SLC35H1: variants seen among roughly 807,000 people sequenced by gnomAD.
The protein encoded by SLC35H1 is ovarian cancer-overexpressed gene 1 protein.
At chr20:46,347,621 T>C in the SLC35H1 span, 1 of 152,256 alleles carries the variant, frequency 6.6e-6, no homozygotes, top group African/African-American at 2.4e-5. Context: ...AGGAGAATTC[T>C]CTTGGTGCCA....
chr20:46,362,827 C>T, the SLC35H1 span, among the ~76,000 whole-genome samples: 2 of 152,220 alleles, frequency 1.3e-5, no homozygotes, highest in Non-Finnish European at 2.9e-5. Flanking sequence ...AGTGCAATGG[C>T]GTGATCTCGG....
the SLC35H1 span, chr20:46,355,795 G>A: frequency 6.2e-7 from 1 of 1,614,040 alleles, no homozygotes; most frequent in Middle Eastern, 1.7e-4. This position sits in a 1 kb window ranked among gnomAD's most constrained non-coding sequence, Gnocchi z 4.8. Flanking sequence ...AGACGCTGGG[G>A]CCTCACCAGC....
At chr20:46,356,591 C>T in the SLC35H1 span, 15 of 1,614,118 alleles carry the variant, frequency 9.3e-6, no homozygotes, top group East Asian at 1.3e-4. Flanking sequence ...CGGTGACATA[C>T]AGGAAGCTCC....
chr20:46,355,172 G>C, the SLC35H1 span: 1 of 1,614,128 alleles, frequency 6.2e-7, no homozygotes, highest in East Asian at 2.2e-5. This position sits in a 1 kb window ranked among gnomAD's most constrained non-coding sequence, Gnocchi z 4.8. Context: ...ACGTTGAACT[G>C]TGTGGACTTG....
chr20:46,358,694 A>G, the SLC35H1 span: 1 of 1,551,016 alleles, frequency 6.4e-7, no homozygotes, highest in Non-Finnish European at 8.7e-7. Context: ...TCCTCACCTA[A>G]GGGGCTGGTG....
At chr20:46,357,124 C>T in the SLC35H1 span, among the ~76,000 whole-genome samples, 2 of 152,210 alleles carry the variant, frequency 1.3e-5, no homozygotes, top group African/African-American at 4.8e-5. Flanking sequence ...AAATCTCCCT[C>T]GGGCCACGAG....
At chr20:46,348,583 C>T in the SLC35H1 span, 1 of 152,262 alleles carries the variant, frequency 6.6e-6, no homozygotes, top group Non-Finnish European at 1.5e-5. Flanking sequence ...CTTCCAAGCG[C>T]CCTTGGTGCT....
chr20:46,358,805 C>T, the SLC35H1 span: 1 of 1,265,320 alleles, frequency 7.9e-7, no homozygotes, highest in South Asian at 1.3e-5. Context: ...CAGGCAGAGA[C>T]TGTGCTTCTC....
At chr20:46,355,255 G>C in the SLC35H1 span, 1 of 1,608,250 alleles carries the variant, frequency 6.2e-7, no homozygotes. The surrounding 1 kb of genome is among the most constrained non-coding windows in gnomAD (Gnocchi z 4.8). Flanking sequence ...GTAGGATGGG[G>C]AGCAGTGGCA....
At chr20:46,352,173 G>A in the SLC35H1 span, 5 of 1,614,102 alleles carry the variant, frequency 3.1e-6, no homozygotes, top group South Asian at 1.1e-5. Context: ...ACCCGCAGGA[G>A]CAGCCCTGTG....
chr20:46,358,288 G>A, the SLC35H1 span: 1 of 1,138,108 alleles, frequency 8.8e-7, no homozygotes, highest in Non-Finnish European at 1.3e-6. Context: ...AGTTAGACTG[G>A]TTGAAGCTTG....
At chr20:46,352,333 G>A in the SLC35H1 span, 1 of 962,720 alleles carries the variant, frequency 1.0e-6, no homozygotes, top group Non-Finnish European at 1.6e-6. Context: ...TTCTTACTGA[G>A]ACCTGCTAAC....
the SLC35H1 span, chr20:46,354,921 T>G: frequency 6.2e-7 from 1 of 1,613,158 alleles, no homozygotes; most frequent in Non-Finnish European, 8.5e-7. Flanking sequence ...CCCAGGAACA[T>G]GAGTGGCTGC....
At chr20:46,355,836 A>G in the SLC35H1 span, 1 of 1,614,070 alleles carries the variant, frequency 6.2e-7, no homozygotes, top group African/African-American at 1.3e-5. This position sits in a 1 kb window ranked among gnomAD's most constrained non-coding sequence, Gnocchi z 4.8. Context: ...AGAGAAGATC[A>G]AGATGAAGAG....
chr20:46,356,787 T>A, the SLC35H1 span: 1 of 692,534 alleles, frequency 1.4e-6, no homozygotes, highest in Non-Finnish European at 2.5e-6. Context: ...CACCAGCAAC[T>A]AAAGGGTTAA....
At chr20:46,355,200 AC>A in the SLC35H1 span, 2 of 1,613,426 alleles carry the variant, frequency 1.2e-6, no homozygotes, top group Non-Finnish European at 1.7e-6. This position sits in a 1 kb window ranked among gnomAD's most constrained non-coding sequence, Gnocchi z 4.8. Context: ...ACATGAAGAG[AC>A]CCCCGGCGAT....
At chr20:46,350,461 C>T in the SLC35H1 span, 56 of 1,613,414 alleles carry the variant, frequency 3.5e-5, no homozygotes, top group South Asian at 1.4e-4. Flanking sequence ...CTGGCTGCTC[C>T]GGAGCAGCAG....
chr20:46,362,603 G>T, the SLC35H1 span, among the ~76,000 whole-genome samples: 2 of 152,122 alleles, frequency 1.3e-5, no homozygotes, highest in South Asian at 4.1e-4. Context: ...CTGGCTCATG[G>T]TAGAGGCTTA....
At chr20:46,356,250 G>A in the SLC35H1 span, among the ~76,000 whole-genome samples, 7 of 152,312 alleles carry the variant, frequency 4.6e-5, no homozygotes, top group African/African-American at 1.2e-4. Context: ...GCTCTGCTGC[G>A]GCTGCGTGTA....
Sources: gnomAD v4.1 joint callset for allele counts (sites outside exome capture counted in the v4.1 genomes callset) on GRCh38, gnomAD v4.1.1 for gene constraint, Gnocchi (gnomAD v3.1) non-coding constraint, MANE v1.5 for transcripts, NCBI Gene and HGNC (gene_info 2026-07-23, HGNC 2026-07-21) for gene names.